Variants in CCSER1 observed in about 807,000 individuals in gnomAD.
CCSER1 encodes the protein serine-rich coiled-coil domain-containing protein 1.
CCSER1 carries 41 observed loss-of-function variants against 82.0 expected under a neutral mutation model. That is an observed-to-expected ratio of 0.50 (90% CI 0.39 to 0.65). The LOEUF (loss-of-function observed/expected upper bound fraction) is 0.65, where lower values mean the gene tolerates loss of function less well. Among genes scored for constraint, CCSER1 ranks in the 30% least tolerant of loss-of-function variants. CCSER1 has a pLI of 0.00. For synonymous variants in CCSER1, 414 were observed against 383.9 expected (o/e 1.08, Z -0.92); for missense variants, 1,119 against 1,064.2 (o/e 1.05, Z -0.72).
At chr4:90,878,097 T>C (rs1313277809) in intron 8 of CCSER1, among the ~76,000 whole-genome samples, 1 of 152,154 alleles carries the variant, frequency 6.6e-6, no homozygotes, top group Non-Finnish European at 1.5e-5. Context: ...CAGTGATCCA[T>C]TGTGAAACTG....
chr4:90,561,566 C>T (rs1300878764), intron 5 of CCSER1, among the ~76,000 whole-genome samples: 1 of 152,118 alleles, frequency 6.6e-6, no homozygotes, highest in African/African-American at 2.4e-5. Context: ...ATTTTAAGAT[C>T]GCACAATGTT....
At chr4:90,883,504 T>C (rs564525311) in intron 8 of CCSER1, among the ~76,000 whole-genome samples, 20 of 150,860 alleles carry the variant, frequency 1.3e-4, no homozygotes, top group African/African-American at 4.8e-4. Context: ...AAGAGATCCC[T>C]AAAGGATGAA....
chr4:90,452,243 C>G (rs188787159), intron 4 of CCSER1, among the ~76,000 whole-genome samples: 1 of 152,258 alleles, frequency 6.6e-6, no homozygotes, highest in East Asian at 1.9e-4. Flanking sequence ...TAGGTTTGCA[C>G]TACTATCTGT....
At chr4:90,879,541 A>AAGAAG in intron 8 of CCSER1, among the ~76,000 whole-genome samples, 1 of 135,222 alleles carries the variant, frequency 7.4e-6, no homozygotes, top group African/African-American at 2.7e-5. Context: ...GAAGAAGAAG[A>AAGAAG]AAGAAGAAGA....
chr4:90,390,901 C>T (rs1363418969), intron 3 of CCSER1, among the ~76,000 whole-genome samples: 2 of 152,026 alleles, frequency 1.3e-5, no homozygotes, highest in African/African-American at 4.8e-5. Context: ...ACATTCCCAC[C>T]AACAATGTAC....
Position 91,480,297 on chromosome 4 carries a change from A to G in CCSER1, c.2218-118275A>G, listed in dbSNP as rs149640951. ...TGGGTCAAATGGAATTTCTAATTCT[A>G]GATCCCTAAGGAATCACCACACTGA... On this transcript the variant is annotated intron_variant, in intron 10 of 10. Coordinates refer to ENST00000509176, the MANE Select transcript of CCSER1 (RefSeq NM_001145065.2). Among the ~76,000 whole-genome samples the G allele has an allele frequency of 2.0e-4, 30 of 152,318 alleles. No homozygotes were observed. In the East Asian group the frequency reaches 4.6e-3, roughly 24 times the overall value.
At chr4:91,593,918 G>C (rs115009634) in intron 10 of CCSER1, among the ~76,000 whole-genome samples, 1,873 of 152,170 alleles carry the variant, frequency 0.012, 32 homozygotes, top group African/African-American at 0.043. Flanking sequence ...TCTTGCATTT[G>C]ATGAAATACA....
chr4:90,423,142 T>C (rs768238796), intron 4 of CCSER1, among the ~76,000 whole-genome samples: 1 of 152,090 alleles, frequency 6.6e-6, no homozygotes, highest in Non-Finnish European at 1.5e-5. Flanking sequence ...ATATATATTA[T>C]TTGGTGTAAA....
intron 5 of CCSER1, among the ~76,000 whole-genome samples, chr4:90,490,891 T>C (rs1310072808): frequency 6.6e-6 from 1 of 152,182 alleles, no homozygotes; most frequent in Non-Finnish European, 1.5e-5. Flanking sequence ...AGCTCTGTTT[T>C]GGTACCAGTA....
chr4:91,104,396 C>G (rs187501074), intron 10 of CCSER1, among the ~76,000 whole-genome samples: 5 of 152,114 alleles, frequency 3.3e-5, no homozygotes. Flanking sequence ...ACGGTCCTAC[C>G]GATATGTGAT....
At chr4:91,063,769 G>A (rs949609117) in intron 9 of CCSER1, among the ~76,000 whole-genome samples, 7 of 152,100 alleles carry the variant, frequency 4.6e-5, no homozygotes, top group East Asian at 1.9e-4. Context: ...ATATAATAAC[G>A]TTCAGCTATA....
At chr4:90,675,604 A>T in intron 6 of CCSER1, among the ~76,000 whole-genome samples, 1 of 50,406 alleles carries the variant, frequency 2.0e-5, no homozygotes, top group Non-Finnish European at 4.0e-5. Flanking sequence ...AACTTTGTTA[A>T]CACACATGAT....
At chr4:91,225,668 C>T (rs542320679) in intron 10 of CCSER1, among the ~76,000 whole-genome samples, 1 of 151,754 alleles carries the variant, frequency 6.6e-6, no homozygotes, top group East Asian at 1.9e-4. Context: ...TGCCATTGAC[C>T]TGCTGCATGT....
At chr4:91,573,512 C>T (rs996303828) in intron 10 of CCSER1, among the ~76,000 whole-genome samples, 5 of 152,052 alleles carry the variant, frequency 3.3e-5, no homozygotes, top group Admixed American at 1.3e-4. Context: ...GATTGAAGGC[C>T]CTGGTGGAGT....
intron 10 of CCSER1, among the ~76,000 whole-genome samples, chr4:91,098,698 C>A (rs867481944): frequency 6.6e-6 from 1 of 151,998 alleles, no homozygotes; most frequent in East Asian, 1.9e-4. Context: ...TGTACCACCA[C>A]GCCCAGCTAA....
chr4:90,765,874 C>T (rs1462307976), intron 7 of CCSER1, among the ~76,000 whole-genome samples: 5 of 152,082 alleles, frequency 3.3e-5, no homozygotes, highest in African/African-American at 9.7e-5. Context: ...TCATATGTTA[C>T]TGAATAGGAG....
intron 2 of CCSER1, among the ~76,000 whole-genome samples, chr4:90,310,616 A>G (rs1169499153): frequency 6.6e-6 from 1 of 152,156 alleles, no homozygotes; most frequent in African/African-American, 2.4e-5. Flanking sequence ...TATAAATCCT[A>G]TGAGGTAGGC....
intron 10 of CCSER1, among the ~76,000 whole-genome samples, chr4:91,549,774 G>T (rs1578762725): frequency 6.6e-6 from 1 of 152,150 alleles, no homozygotes. Flanking sequence ...GGTGGAGGTT[G>T]CAGTGAGCCA....
At chr4:90,417,679 C>T (rs559098635) in intron 4 of CCSER1, among the ~76,000 whole-genome samples, 34 of 152,066 alleles carry the variant, frequency 2.2e-4, no homozygotes, top group Admixed American at 3.3e-4. Flanking sequence ...GAATTAATTG[C>T]GTAGTTGCTA....
Sources: allele counts gnomAD v4.1 joint callset (sites outside exome capture counted in the v4.1 genomes callset), GRCh38; gene constraint gnomAD v4.1.1; transcripts MANE v1.5; gene names NCBI Gene and HGNC (gene_info 2026-07-23, HGNC 2026-07-21).